The following ZNF827 variants were observed in gnomAD, a reference collection of about 807,000 sequenced individuals.
The protein encoded by ZNF827 is zinc finger protein 827.
A neutral mutation model predicts 102.4 loss-of-function variants in ZNF827; 13 were observed. The ratio of observed to expected loss-of-function variants is 0.13; its 90% CI spans 0.08 to 0.20. The LOEUF (loss-of-function observed/expected upper bound fraction) is 0.20, where lower values mean the gene tolerates loss of function less well. ZNF827 is among the 10% of genes least tolerant of loss of function. The pLI, the probability that ZNF827 is intolerant of heterozygous loss-of-function variation, is 1.00. For missense variants in ZNF827, 1,103 were observed against 1,344.4 expected, an observed-to-expected ratio of 0.82 and a Z score of 2.81; for synonymous variants, 523 against 536.2, an observed-to-expected ratio of 0.98 and a Z score of 0.34.
chr4:145,890,443 C>T (rs1425852044), intron 3 of ZNF827, among the ~76,000 whole-genome samples: 1 of 152,176 alleles, frequency 6.6e-6, no homozygotes, highest in African/African-American at 2.4e-5. Context: ...CATCAAGGCA[C>T]CCAACTCATC....
intron 1 of ZNF827, among the ~76,000 whole-genome samples, chr4:145,909,070 T>C (rs72725710): frequency 0.14 from 21,510 of 152,238 alleles, 1,741 homozygotes; most frequent in South Asian, 0.36. Context: ...AATGAAAAAA[T>C]TGTATATTTT....
At chr4:145,876,566 T>C (rs1749171591) in intron 4 of ZNF827, 1 of 152,224 alleles carries the variant, frequency 6.6e-6, no homozygotes. Flanking sequence ...ACACACCAAG[T>C]ATTTACCTGT....
intron 4 of ZNF827, among the ~76,000 whole-genome samples, chr4:145,877,517 A>G (rs1039825679): frequency 6.6e-6 from 1 of 152,174 alleles, no homozygotes; most frequent in African/African-American, 2.4e-5. Context: ...TTTCCCTTAA[A>G]TCATTTTATA....
intron 13 of ZNF827, among the ~76,000 whole-genome samples, chr4:145,764,027 A>T (rs1449661642): frequency 6.6e-6 from 1 of 152,048 alleles, no homozygotes; most frequent in African/African-American, 2.4e-5. Context: ...TTCCTCACCC[A>T]TCTAGGGGAG....
chr4:145,804,111 T>C (rs943444535), intron 8 of ZNF827, among the ~76,000 whole-genome samples: 1 of 152,232 alleles, frequency 6.6e-6, no homozygotes, highest in Admixed American at 6.5e-5. Context: ...TATTCTTACA[T>C]GCCAAAAGGA....
intron 7 of ZNF827, among the ~76,000 whole-genome samples, chr4:145,840,957 G>A (rs1745357572): frequency 6.6e-6 from 1 of 152,186 alleles, no homozygotes; most frequent in South Asian, 2.1e-4. Context: ...ATATTGGTCT[G>A]CACAGCACGA....
chr4:145,801,185 T>C (rs1394974887), intron 8 of ZNF827, among the ~76,000 whole-genome samples: 3 of 152,182 alleles, frequency 2.0e-5, no homozygotes, highest in Non-Finnish European at 4.4e-5. Flanking sequence ...TATGTATGAA[T>C]AGGATTCTTT....
At chr4:145,803,644 AGAG>A (rs1038638108) in intron 8 of ZNF827, among the ~76,000 whole-genome samples, 24 of 152,320 alleles carry the variant, frequency 1.6e-4, no homozygotes, top group African/African-American at 5.8e-4. Context: ...TTTTAGGTGG[AGAG>A]GAGTTTTTCC....
At chr4:145,888,817 A>G (rs1002651911) in intron 3 of ZNF827, among the ~76,000 whole-genome samples, 1 of 152,238 alleles carries the variant, frequency 6.6e-6, no homozygotes, top group South Asian at 2.1e-4. Context: ...TAAAGGACTT[A>G]ATGGAAATCT....
intron 1 of ZNF827, among the ~76,000 whole-genome samples, chr4:145,917,317 TCA>T (rs1752729888): frequency 6.6e-6 from 1 of 152,170 alleles, no homozygotes; most frequent in African/African-American, 2.4e-5. Context: ...TGTATTGGGT[TCA>T]CAGTTCTGGA....
intron 9 of ZNF827, among the ~76,000 whole-genome samples, chr4:145,776,647 G>C (rs80275914): frequency 0.086 from 13,020 of 151,966 alleles, 638 homozygotes; most frequent in Middle Eastern, 0.12. Context: ...GTCAGTCATG[G>C]GTGAGTGCTG....
rs1382100918 is a variant in ZNF827, at chr4:145,763,853, T to TCCCCTC, written c.3231-737_3231-732dup. ...ACCCCCTCCCCAATCCCTTCTGCCC[T>TCCCCTC]CCCCTCCCCCTCCCCCAAGAGTGAA... On this transcript the variant is annotated intron_variant, in intron 13 of 14. Transcript: ENST00000508784. The surrounding 1 kb of genome is among the most constrained non-coding windows in gnomAD (Gnocchi z 4.6). Among the ~76,000 whole-genome samples, 6 of 149,856 alleles carry TCCCCTC rather than the reference T, an allele frequency of 4.0e-5. No individual in the cohort carries two copies. The highest frequency in any genetic ancestry group is 2.0e-4 in the Admixed American group (3 of 15,090).
chr4:145,846,136 CT>C (rs1745911796), intron 6 of ZNF827, 123 bp from the exon 7 acceptor site: 4 of 902,848 alleles, frequency 4.4e-6, no homozygotes, highest in African/African-American at 1.7e-5. Context: ...CTTTTGATTT[CT>C]TTTTTAAACA....
intron 1 of ZNF827, among the ~76,000 whole-genome samples, chr4:145,903,994 G>T (rs1244551317): frequency 6.6e-6 from 1 of 152,086 alleles, no homozygotes; most frequent in Non-Finnish European, 1.5e-5. Context: ...CACAGGCAGC[G>T]GTTAGGAATG....
At chr4:145,850,919 T>C (rs749047295) in intron 5 of ZNF827, among the ~76,000 whole-genome samples, 7 of 152,162 alleles carry the variant, frequency 4.6e-5, no homozygotes, top group Non-Finnish European at 1.0e-4. Context: ...GCAGATGTGA[T>C]TAAGTCAAGA....
intron 2 of ZNF827, among the ~76,000 whole-genome samples, chr4:145,895,231 T>C (rs934905959): frequency 1.3e-5 from 2 of 152,218 alleles, no homozygotes; most frequent in East Asian, 3.8e-4. Flanking sequence ...AAATGAACAC[T>C]GCCGTCTTCC....
chr4:145,896,037 C>T (rs931401422), intron 2 of ZNF827, among the ~76,000 whole-genome samples: 3 of 152,204 alleles, frequency 2.0e-5, no homozygotes, highest in South Asian at 2.1e-4. Context: ...TGCTAATTTG[C>T]TCCTCTGGAG....
chr4:145,864,767 C>A (rs1748033319), intron 5 of ZNF827, among the ~76,000 whole-genome samples: 1 of 152,064 alleles, frequency 6.6e-6, no homozygotes, highest in East Asian at 1.9e-4. Context: ...CTACATTTAG[C>A]CTTTTATGGA....
intron 8 of ZNF827, among the ~76,000 whole-genome samples, chr4:145,782,187 T>C (rs967675167): frequency 7.2e-5 from 11 of 152,226 alleles, no homozygotes; most frequent in Non-Finnish European, 1.2e-4. Flanking sequence ...GCAATCCATT[T>C]TTATTTTGCA....
Sources: gnomAD v4.1 joint callset for allele counts (sites outside exome capture counted in the v4.1 genomes callset) on GRCh38, gnomAD v4.1.1 for gene constraint, Gnocchi (gnomAD v3.1) non-coding constraint, MANE v1.5 for transcripts, NCBI Gene and HGNC (gene_info 2026-07-23, HGNC 2026-07-21) for gene names.